CPEB1: variants seen among roughly 807,000 people sequenced by gnomAD.
CPEB1 encodes cytoplasmic polyadenylation element binding protein 1.
Under a neutral mutation model 65.8 loss-of-function variants are expected in CPEB1, and 7 were observed. The observed-to-expected ratio is 0.11, with a 90% confidence interval of 0.06 to 0.20. The LOEUF (loss-of-function observed/expected upper bound fraction) is 0.20. Among genes scored for constraint, CPEB1 ranks in the 10% least tolerant of loss-of-function variants. The probability of loss-of-function intolerance (pLI) is 1.00; values close to 1 mark genes in which losing one functional copy is unlikely to be tolerated. For synonymous variants in CPEB1, 262 were observed against 260.0 expected, an observed-to-expected ratio of 1.01 and a Z score of -0.08; for missense variants, 551 against 712.2, an observed-to-expected ratio of 0.77 and a Z score of 2.58.
chr15:82,616,377 A>T (rs2044710447), intron 3 of CPEB1, among the ~76,000 whole-genome samples: 1 of 152,204 alleles, frequency 6.6e-6, no homozygotes, highest in Admixed American at 6.5e-5. Flanking sequence ...CAACTTCAGG[A>T]GAGTTATCTC....
At chr15:82,569,368 C>G (rs1174106851) in intron 4 of CPEB1, among the ~76,000 whole-genome samples, 3 of 152,198 alleles carry the variant, frequency 2.0e-5, no homozygotes, top group African/African-American at 7.2e-5. Flanking sequence ...GGAAAACATA[C>G]CCACACTAAC....
At chr15:82,637,961 T>C (rs1411422973) in intron 1 of CPEB1, 2 of 453,094 alleles carry the variant, frequency 4.4e-6, no homozygotes, top group South Asian at 3.1e-5. Context: ...ACAATGATTT[T>C]CCAAGACAAA....
At chr15:82,608,506 G>A (rs1037027852) in intron 3 of CPEB1, among the ~76,000 whole-genome samples, 1 of 152,234 alleles carries the variant, frequency 6.6e-6, no homozygotes, top group African/African-American at 2.4e-5. Flanking sequence ...CAGGGTTGTA[G>A]TAGAGCTAGG....
intron 3 of CPEB1, among the ~76,000 whole-genome samples, chr15:82,614,052 G>A (rs537531172): frequency 1.6e-4 from 24 of 151,888 alleles, no homozygotes; most frequent in African/African-American, 5.3e-4. Context: ...CCCTGGGTGG[G>A]ACCCTGGGGC....
At chr15:82,646,337 CAGT>C (rs892047944) in intron 1 of CPEB1, among the ~76,000 whole-genome samples, 2 of 152,182 alleles carry the variant, frequency 1.3e-5, no homozygotes, top group African/African-American at 4.8e-5. Context: ...CGACACAGCC[CAGT>C]AGTTGACTCA....
intron 3 of CPEB1, among the ~76,000 whole-genome samples, chr15:82,623,788 CT>C (rs202172844): frequency 4.5e-4 from 68 of 151,968 alleles, no homozygotes; most frequent in African/African-American, 1.5e-3. Flanking sequence ...TCTTTTTACA[CT>C]TTTTTTTACA....
At chr15:82,580,197 T>C (rs1356337819) in intron 3 of CPEB1, among the ~76,000 whole-genome samples, 4 of 151,480 alleles carry the variant, frequency 2.6e-5, no homozygotes, top group Admixed American at 1.3e-4. Context: ...GCCACGTGCC[T>C]GTAGTCCCAG....
chr15:82,566,239 T>C (rs974250832), intron 4 of CPEB1, among the ~76,000 whole-genome samples: 1 of 152,120 alleles, frequency 6.6e-6, no homozygotes. Flanking sequence ...AAGGAGAGAC[T>C]AGCCCCAAGA....
At chr15:82,589,515 G>T (rs1021693198) in intron 3 of CPEB1, among the ~76,000 whole-genome samples, 2 of 152,092 alleles carry the variant, frequency 1.3e-5, no homozygotes, top group East Asian at 1.9e-4. Context: ...AGGCAGAGGC[G>T]GGTGGATCAC....
In CPEB1 at chr15:82,628,455, A is replaced by G; in HGVS notation, c.5T>C (p.Phe2Ser). The change falls in exon 2 of 13, where the codon TTT becomes TCT. Residue 2 changes from phenylalanine to serine, a missense_variant. Physicochemically the swap from Phe to Ser is radical, Grantham distance 155. Around this residue, in one of 6 missense-constraint regions of CPEB1, gnomAD observed 223 missense variants for 228.6 expected, o/e 0.98. Coordinates refer to ENST00000684509, the MANE Select transcript of CPEB1 (RefSeq NM_001365242.1). Reference protein sequence around the residue: MFSGIATSTSSS... With the variant: MSSGIATSTSSS... ...CGATGTTGAAGTAGCAATGCCAGAA[A>G]ACATATTGACATTAGATGATCTGGC... 1 of 702,950 alleles carries G rather than the reference A, an allele frequency of 1.4e-6. No individual in the cohort carries two copies. Among genetic ancestry groups the G allele is most frequent in the Non-Finnish European group, 2.6e-6 (1 of 384,976 alleles). The allele number at this position is 702,950 out of a possible 1,614,324, so 43.5% of individuals were successfully genotyped here.
chr15:82,610,084 A>G (rs2043986763), intron 3 of CPEB1, among the ~76,000 whole-genome samples: 1 of 150,634 alleles, frequency 6.6e-6, no homozygotes, highest in Non-Finnish European at 1.5e-5. Flanking sequence ...AAAAATTACT[A>G]TGAATAATTA....
chr15:82,630,552 G>A (rs1201622119), intron 1 of CPEB1, among the ~76,000 whole-genome samples: 1 of 152,042 alleles, frequency 6.6e-6, no homozygotes, highest in Non-Finnish European at 1.5e-5. Context: ...GTTGCAGTGA[G>A]CAGAGATTGT....
intron 4 of CPEB1, among the ~76,000 whole-genome samples, chr15:82,568,987 C>T (rs1215214959): frequency 6.6e-6 from 1 of 152,186 alleles, no homozygotes; most frequent in East Asian, 1.9e-4. Flanking sequence ...AAGGAATAAG[C>T]TTGCATCTTG....
chr15:82,559,420 C>CT (rs1214406741), intron 4 of CPEB1, among the ~76,000 whole-genome samples: 1 of 152,056 alleles, frequency 6.6e-6, no homozygotes, highest in Non-Finnish European at 1.5e-5. Context: ...GTAAAAATAG[C>CT]TTTAATTTTT....
At chr15:82,568,056 C>T (rs534416237) in intron 4 of CPEB1, among the ~76,000 whole-genome samples, 1 of 152,108 alleles carries the variant, frequency 6.6e-6, no homozygotes, top group East Asian at 1.9e-4. Flanking sequence ...GTTTTCTCAC[C>T]CAATATGTTA....
chr15:82,619,297 T>A (rs2045070585), intron 3 of CPEB1, among the ~76,000 whole-genome samples: 1 of 152,098 alleles, frequency 6.6e-6, no homozygotes, highest in African/African-American at 2.4e-5. Context: ...AAAACAAAAT[T>A]CCAGATGGGT....
intron 2 of CPEB1, among the ~76,000 whole-genome samples, chr15:82,627,853 C>CT (rs1210540886): frequency 3.9e-5 from 6 of 152,026 alleles, no homozygotes; most frequent in African/African-American, 1.2e-4. Context: ...CAGTAAAGGA[C>CT]TTTTTTTAAT....
chr15:82,636,030 A>G (rs2046631420), intron 1 of CPEB1, among the ~76,000 whole-genome samples: 1 of 151,854 alleles, frequency 6.6e-6, no homozygotes, highest in African/African-American at 2.4e-5. Flanking sequence ...CAGATACAAG[A>G]TCTCCTCTCC....
At chr15:82,644,450 G>A (rs937646380) in intron 1 of CPEB1, among the ~76,000 whole-genome samples, 5 of 152,158 alleles carry the variant, frequency 3.3e-5, no homozygotes, top group Non-Finnish European at 7.4e-5. Context: ...AAACAGCGGG[G>A]AAATCCAAAA....
Sources: gnomAD v4.1 joint callset for allele counts (sites outside exome capture counted in the v4.1 genomes callset) on GRCh38, gnomAD v4.1.1 for gene constraint, gnomAD v4.1.1 regional missense constraint, MANE v1.5 for transcripts, NCBI Gene and HGNC (gene_info 2026-07-23, HGNC 2026-07-21) for gene names.